FAM135B: variants seen among roughly 807,000 people sequenced by gnomAD.
FAM135B encodes protein FAM135B.
FAM135B carries 43 observed loss-of-function variants against 127.7 expected under a neutral mutation model. That is an observed-to-expected ratio of 0.34 (90% CI 0.26 to 0.43). FAM135B has a LOEUF of 0.43. Among genes scored for constraint, FAM135B ranks in the 20% least tolerant of loss-of-function variants. FAM135B has a pLI of 1.00. For synonymous variants in FAM135B, 670 were observed against 665.1 expected (o/e 1.01, Z -0.11); for missense variants, 1,558 against 1,725.6 (o/e 0.90, Z 1.72).
At chr8:138,429,081 A>T (rs893431210) in intron 1 of FAM135B, among the ~76,000 whole-genome samples, 3 of 152,166 alleles carry the variant, frequency 2.0e-5, no homozygotes, top group Admixed American at 2.0e-4. Context: ...AATTGTGGTA[A>T]ATGCTATGGA....
chr8:138,416,063 C>G (rs1356789723), intron 1 of FAM135B, among the ~76,000 whole-genome samples: 1 of 152,168 alleles, frequency 6.6e-6, no homozygotes, highest in Non-Finnish European at 1.5e-5. Flanking sequence ...GCCCAGTCTG[C>G]AAGACTCTCT....
chr8:138,290,187 C>T (rs1824999706), intron 3 of FAM135B, among the ~76,000 whole-genome samples: 1 of 152,158 alleles, frequency 6.6e-6, no homozygotes, highest in South Asian at 2.1e-4. Flanking sequence ...AGCCTGCCCA[C>T]CCTTGGCAGG....
chr8:138,146,001 G>A lies in FAM135B; in HGVS notation c.3498C>T (p.Leu1166=), dbSNP rs148245905. Residue 1166 remains leucine, a synonymous_variant, in exon 15 of 20, where the codon CTC becomes CTT. Coordinates refer to ENST00000395297, the MANE Select transcript of FAM135B (RefSeq NM_015912.4). ...RLVKTFIELG[L]PGGKLDFLMS... is the part of the protein sequence containing the mutation. ...TTAGGAAGTCCAGTTTTCCTCCAGG[G>A]AGCCCCAGTTCTATGAAAGTCTTTA... 6.2e-7 allele frequency: 1 copy of A among 1,611,092 alleles called. No individual in the cohort carries two copies.
chr8:138,226,495 G>A (rs1819461989), intron 7 of FAM135B, among the ~76,000 whole-genome samples: 3 of 152,198 alleles, frequency 2.0e-5, no homozygotes, highest in Admixed American at 2.0e-4. Flanking sequence ...TCCAGGAAGT[G>A]TGTGCAGCAT....
At chr8:138,278,455 G>A (rs1167097041) in intron 3 of FAM135B, among the ~76,000 whole-genome samples, 1 of 151,820 alleles carries the variant, frequency 6.6e-6, no homozygotes, top group East Asian at 2.0e-4. Context: ...AAACAGATGG[G>A]GCAGGATGAC....
intron 14 of FAM135B, among the ~76,000 whole-genome samples, chr8:138,146,826 CT>C: frequency 1.3e-5 from 2 of 152,234 alleles, no homozygotes; most frequent in East Asian, 3.9e-4. Flanking sequence ...TAAAAGTTCC[CT>C]GTACAGTTGA....
At chr8:138,493,130 G>A (rs997949051) in intron 1 of FAM135B, among the ~76,000 whole-genome samples, 2 of 152,168 alleles carry the variant, frequency 1.3e-5, no homozygotes, top group South Asian at 4.1e-4. Flanking sequence ...CCTGAGATGG[G>A]TGTGCAGCCA....
intron 7 of FAM135B, among the ~76,000 whole-genome samples, chr8:138,233,218 A>G (rs1820030118): frequency 6.6e-6 from 1 of 152,234 alleles, no homozygotes; most frequent in Non-Finnish European, 1.5e-5. Context: ...TGGTAACAGC[A>G]TAAAAGCAGA....
intron 1 of FAM135B, among the ~76,000 whole-genome samples, chr8:138,444,995 C>A (rs1836032507): frequency 1.3e-5 from 2 of 152,284 alleles, no homozygotes; most frequent in Admixed American, 1.3e-4. Context: ...CACAGAAATA[C>A]AAACTACCAT....
chr8:138,336,969 A>C (rs1397661360), intron 2 of FAM135B, among the ~76,000 whole-genome samples: 4 of 152,226 alleles, frequency 2.6e-5, no homozygotes, highest in African/African-American at 7.2e-5. Context: ...AAATCAATAA[A>C]CGTAATCCAG....
intron 9 of FAM135B, among the ~76,000 whole-genome samples, chr8:138,185,256 G>C (rs1244202071): frequency 6.6e-6 from 1 of 152,206 alleles, no homozygotes; most frequent in Non-Finnish European, 1.5e-5. Flanking sequence ...AATGGGACCA[G>C]TGCAGACTAG....
At chr8:138,144,216 C>G (rs2130639929) in intron 15 of FAM135B, 1 of 152,344 alleles carries the variant, frequency 6.6e-6, no homozygotes, top group South Asian at 2.1e-4. Context: ...GTCAGGAGAC[C>G]AAGATCATCC....
intron 11 of FAM135B, among the ~76,000 whole-genome samples, chr8:138,174,304 A>G (rs1035061645): frequency 3.3e-5 from 5 of 152,124 alleles, no homozygotes; most frequent in African/African-American, 1.2e-4. Flanking sequence ...CCTCATGTCC[A>G]TCCTGATTTG....
chr8:138,307,727 T>C (rs1488337416), intron 3 of FAM135B, among the ~76,000 whole-genome samples: 1 of 66,316 alleles, frequency 1.5e-5, no homozygotes, highest in Non-Finnish European at 2.9e-5. Flanking sequence ...CTATCCCCAT[T>C]GTGGTAAAAA....
chr8:138,177,548 C>T, intron 10 of FAM135B, 128 bp from the exon 11 acceptor site: 1 of 736,410 alleles, frequency 1.4e-6, no homozygotes. Context: ...GGCCCCTGAC[C>T]TGAAGGTTCT....
intron 2 of FAM135B, among the ~76,000 whole-genome samples, chr8:138,365,092 C>T (rs1294972457): frequency 6.6e-6 from 1 of 152,162 alleles, no homozygotes; most frequent in Non-Finnish European, 1.5e-5. Flanking sequence ...AGTGATCCAC[C>T]TGTCTCAGCC....
At chr8:138,240,695 T>C (rs926082648) in intron 7 of FAM135B, among the ~76,000 whole-genome samples, 4 of 152,134 alleles carry the variant, frequency 2.6e-5, no homozygotes, top group Non-Finnish European at 5.9e-5. Flanking sequence ...GAGAAAGTAT[T>C]TCTTTTTAAG....
intron 1 of FAM135B, among the ~76,000 whole-genome samples, chr8:138,455,512 C>T (rs1244653436): frequency 1.3e-5 from 2 of 152,094 alleles, no homozygotes; most frequent in Non-Finnish European, 2.9e-5. Flanking sequence ...GAGAGCTTTC[C>T]ATGTATTACC....
intron 1 of FAM135B, among the ~76,000 whole-genome samples, chr8:138,376,912 T>A (rs1831513182): frequency 6.6e-6 from 1 of 152,244 alleles, no homozygotes; most frequent in Non-Finnish European, 1.5e-5. Context: ...CTGGCATTTG[T>A]AGATGCCTGA....
Sources: allele counts gnomAD v4.1 joint callset (sites outside exome capture counted in the v4.1 genomes callset), GRCh38; gene constraint gnomAD v4.1.1; transcripts MANE v1.5; gene names NCBI Gene and HGNC (gene_info 2026-07-23, HGNC 2026-07-21).